IGF2BP3: variants seen among roughly 807,000 people sequenced by gnomAD.
IGF2BP3 encodes insulin-like growth factor 2 mRNA-binding protein 3.
IGF2BP3 carries 9 observed loss-of-function variants against 73.8 expected under a neutral mutation model. The observed-to-expected ratio is 0.12, with a 90% CI of 0.07 to 0.21. The LOEUF (loss-of-function observed/expected upper bound fraction) is 0.21. Among genes scored for constraint, IGF2BP3 ranks in the 10% least tolerant of loss-of-function variants. The probability of loss-of-function intolerance (pLI) is 1.00; values close to 1 mark genes in which losing one functional copy is unlikely to be tolerated. For missense variants in IGF2BP3, 542 were observed against 714.0 expected (o/e 0.76, Z 2.75); for synonymous variants, 258 against 256.7 (o/e 1.01, Z -0.05).
intron 14 of IGF2BP3, 115 bp from the exon 15 acceptor site, chr7:23,312,575 C>T: frequency 1.1e-6 from 1 of 929,746 alleles, no homozygotes; most frequent in South Asian, 1.4e-5. Context: ...AAGATACATA[C>T]TAGTCAGTTT....
At chr7:23,323,479 T>G (rs1583883797) in intron 10 of IGF2BP3, among the ~76,000 whole-genome samples, 1 of 146,022 alleles carries the variant, frequency 6.8e-6, no homozygotes. Flanking sequence ...TGGGAGACTT[T>G]AACACCCCAC....
chr7:23,435,476 C>T (rs1313575053), intron 2 of IGF2BP3, among the ~76,000 whole-genome samples: 11 of 150,488 alleles, frequency 7.3e-5, no homozygotes, highest in African/African-American at 2.2e-4. Context: ...TTCTTTGAGA[C>T]GGAGTCTCGC....
intron 3 of IGF2BP3, among the ~76,000 whole-genome samples, chr7:23,403,074 C>T (rs1786716321): frequency 6.6e-6 from 1 of 152,210 alleles, no homozygotes. Context: ...TATTCAGATA[C>T]AGGGGAAACC....
At chr7:23,403,034 A>G (rs887652672) in intron 3 of IGF2BP3, among the ~76,000 whole-genome samples, 10 of 152,226 alleles carry the variant, frequency 6.6e-5, no homozygotes, top group African/African-American at 2.2e-4. Context: ...AGGTGGCCTC[A>G]TGTCCTGCAC....
intron 3 of IGF2BP3, among the ~76,000 whole-genome samples, chr7:23,385,450 G>A (rs1238440859): frequency 2.0e-5 from 3 of 152,124 alleles, no homozygotes; most frequent in Non-Finnish European, 2.9e-5. Context: ...ACATAGCCTG[G>A]ACATTAGAAT....
intron 3 of IGF2BP3, among the ~76,000 whole-genome samples, chr7:23,369,681 T>C (rs1785487365): frequency 1.3e-5 from 2 of 151,904 alleles, no homozygotes; most frequent in Non-Finnish European, 2.9e-5. Context: ...CTCTTCAATC[T>C]AGTAGCCTAG....
intron 3 of IGF2BP3, among the ~76,000 whole-genome samples, chr7:23,377,023 A>G (rs1400270738): frequency 6.6e-6 from 1 of 152,240 alleles, no homozygotes; most frequent in African/African-American, 2.4e-5. Context: ...GGAATGGTTA[A>G]GTAAATTACC....
intron 10 of IGF2BP3, among the ~76,000 whole-genome samples, chr7:23,322,270 G>T (rs572258787): frequency 6.4e-4 from 97 of 152,336 alleles, no homozygotes; most frequent in Non-Finnish European, 3.4e-4. Context: ...ACTACGTGAA[G>T]AATGCAGAAG....
chr7:23,368,248 G>T (rs578148262), intron 3 of IGF2BP3, among the ~76,000 whole-genome samples: 1 of 151,696 alleles, frequency 6.6e-6, no homozygotes, highest in African/African-American at 2.4e-5. Flanking sequence ...TATACATGCT[G>T]CAACAGACAG....
chr7:23,323,450 G>C (rs1292138806), intron 10 of IGF2BP3, among the ~76,000 whole-genome samples: 22 of 145,242 alleles, frequency 1.5e-4, no homozygotes, highest in Middle Eastern at 3.2e-3. Context: ...AAGAGACTTA[G>C]ACTCCCACAC....
At chr7:23,397,389 T>C (rs754783884) in intron 3 of IGF2BP3, among the ~76,000 whole-genome samples, 9 of 152,220 alleles carry the variant, frequency 5.9e-5, no homozygotes, top group Non-Finnish European at 1.2e-4. Flanking sequence ...CACCGTGTTG[T>C]CAACTGTCAG....
intron 3 of IGF2BP3, chr7:23,394,638 ACAGT>A (rs558091856): frequency 6.3e-4 from 96 of 152,336 alleles, no homozygotes; most frequent in Middle Eastern, 6.8e-3. Flanking sequence ...CAAGGCAAAC[ACAGT>A]CAGTGAGAAA....
At chr7:23,316,877 G>A (rs1205413600) in intron 12 of IGF2BP3, among the ~76,000 whole-genome samples, 1 of 152,058 alleles carries the variant, frequency 6.6e-6, no homozygotes, top group East Asian at 1.9e-4. Context: ...CCCCCAGCAC[G>A]CTAATTTTGT....
intron 10 of IGF2BP3, among the ~76,000 whole-genome samples, chr7:23,323,886 C>A (rs978957264): frequency 1.3e-5 from 2 of 151,546 alleles, no homozygotes; most frequent in African/African-American, 4.9e-5. Context: ...AACAAAGACA[C>A]AACATACCAG....
intron 1 of IGF2BP3, 94 bp from the exon 2 acceptor site, chr7:23,468,636 C>T (rs931438458): frequency 6.8e-5 from 89 of 1,305,324 alleles, no homozygotes; most frequent in Non-Finnish European, 9.3e-5. Context: ...CAAATGGCCT[C>T]CTGAGGCCCT....
chr7:23,344,995 C>A (rs1266964147), intron 8 of IGF2BP3, among the ~76,000 whole-genome samples: 1 of 152,168 alleles, frequency 6.6e-6, no homozygotes. Context: ...AAATTTAAGA[C>A]AAAGTAGTAT....
chr7:23,336,265 A>G (rs952082704), intron 10 of IGF2BP3, among the ~76,000 whole-genome samples: 3 of 152,236 alleles, frequency 2.0e-5, no homozygotes, highest in Non-Finnish European at 4.4e-5. Context: ...AAATAAAAGC[A>G]GAAGTTCACT....
At chr7:23,373,458 A>G (rs1385491113) in intron 3 of IGF2BP3, among the ~76,000 whole-genome samples, 1 of 147,736 alleles carries the variant, frequency 6.8e-6, no homozygotes, top group Non-Finnish European at 1.5e-5. Flanking sequence ...CCACAAGGAG[A>G]TACCACTTCA....
intron 5 of IGF2BP3, among the ~76,000 whole-genome samples, chr7:23,360,962 T>C (rs1039386780): frequency 3.3e-5 from 5 of 152,246 alleles, no homozygotes; most frequent in African/African-American, 1.2e-4. Context: ...TTCCAGCCTA[T>C]AGAATTATCT....
Sources: allele counts gnomAD v4.1 joint callset (sites outside exome capture counted in the v4.1 genomes callset), GRCh38; gene constraint gnomAD v4.1.1; transcripts MANE v1.5; gene names NCBI Gene and HGNC (gene_info 2026-07-23, HGNC 2026-07-21).